Variants in DOCK4 observed in about 807,000 individuals in gnomAD.
DOCK4 encodes dedicator of cytokinesis 4.
A neutral mutation model predicts 268.1 loss-of-function variants in DOCK4; 97 were observed. That is an observed-to-expected ratio of 0.36 (90% CI 0.31 to 0.43). DOCK4 has a LOEUF of 0.43. Ranked by LOEUF, DOCK4 falls within the 20% of genes least tolerant of loss-of-function variation. The pLI, the probability that DOCK4 is intolerant of heterozygous loss-of-function variation, is 1.00. For missense variants in DOCK4, 2,145 were observed against 2,455.7 expected (o/e 0.87, Z 2.67); for synonymous variants, 954 against 887.2 (o/e 1.08, Z -1.34).
chr7:112,002,990 G>A (rs1176444874), intron 2 of DOCK4, among the ~76,000 whole-genome samples: 1 of 150,034 alleles, frequency 6.7e-6, no homozygotes, highest in Non-Finnish European at 1.5e-5. Context: ...GGCAGAGGTT[G>A]CAGTGAGCCA....
chr7:112,111,551 T>C (rs1336266586), intron 1 of DOCK4, among the ~76,000 whole-genome samples: 1 of 152,200 alleles, frequency 6.6e-6, no homozygotes, highest in Admixed American at 6.5e-5. Context: ...TTTATTTTAA[T>C]TCTAGACAGT....
rs370612668 is a variant in DOCK4 at position 111,958,844 on chromosome 7, C to T, written c.702-13046G>A. On this transcript the variant is annotated intron_variant, in intron 8 of 52. Coordinates refer to ENST00000428084, the MANE Select transcript of DOCK4 (RefSeq NM_001363540.2). The stretch of plus-strand genomic sequence containing the variant: ...CTGGGTGCTCTCAGTATGAATAAAG[C>T]ATTTCTTTGCTTGTTGTGTATTAAT... Among the ~76,000 whole-genome samples, 137 of 152,242 alleles carry T rather than the reference C, an allele frequency of 9.0e-4. 2 individuals are homozygous for T. Among genetic ancestry groups the T allele is most frequent in the Middle Eastern group, 6.8e-3 (2 of 294 alleles).
intron 16 of DOCK4, among the ~76,000 whole-genome samples, chr7:111,879,511 T>C (rs1352216184): frequency 6.6e-6 from 1 of 152,164 alleles, no homozygotes; most frequent in Non-Finnish European, 1.5e-5. Flanking sequence ...GAGCACCAAG[T>C]AGGCTCTTGG....
Position 111,935,518 on chromosome 7 carries a change from G to C in DOCK4, c.1066+22C>G, listed in dbSNP as rs145511777. ...GCTTGGAACGAAAAGTGTAGGGAAA[G>C]TCAGCCAGCCCATACACTCACCTGC... On this transcript the variant is annotated intron_variant, in intron 12 of 52. Transcript: ENST00000428084. The C allele has an allele frequency of 1.5e-3, 2,402 of 1,610,144 alleles. 7 individuals carry two copies. The highest frequency in any genetic ancestry group is 1.9e-3 in the Non-Finnish European group (2,252 of 1,176,560).
intron 16 of DOCK4, among the ~76,000 whole-genome samples, chr7:111,882,688 C>T (rs76142610): frequency 0.19 from 28,866 of 151,704 alleles, 3,421 homozygotes; most frequent in African/African-American, 0.34. Context: ...TCTCGGCTCA[C>T]CACAACCTCT....
intron 20 of DOCK4, among the ~76,000 whole-genome samples, chr7:111,871,776 T>C (rs1806446525): frequency 6.6e-6 from 1 of 152,176 alleles, no homozygotes; most frequent in South Asian, 2.1e-4. Flanking sequence ...GGCTCAGGAA[T>C]AGAATTCAGG....
intron 39 of DOCK4, among the ~76,000 whole-genome samples, chr7:111,762,757 G>GTTTTTTTTTTTTTTTTTTTTTT (rs1797499588): frequency 1.8e-5 from 1 of 55,012 alleles, no homozygotes; most frequent in East Asian, 4.1e-4. Context: ...ATTTTGTTTT[G>GTTTTTTTTTTTTTTTTTTTTTT]TTTTCTTTTT....
intron 1 of DOCK4, among the ~76,000 whole-genome samples, chr7:112,079,477 G>C (rs1254104174): frequency 6.6e-6 from 1 of 152,136 alleles, no homozygotes; most frequent in Non-Finnish European, 1.5e-5. Flanking sequence ...TACTCTACTT[G>C]TAAATTATAT....
chr7:112,009,305 G>T (rs188628692), intron 1 of DOCK4, among the ~76,000 whole-genome samples: 87 of 152,290 alleles, frequency 5.7e-4, no homozygotes, highest in African/African-American at 2.0e-3. Context: ...TCATGAACAG[G>T]TTGTGGTTTA....
chr7:111,732,557 T>C (rs1795175466), intron 51 of DOCK4: 1 of 475,032 alleles, frequency 2.1e-6, no homozygotes, highest in South Asian at 2.6e-5. Flanking sequence ...CCCAAACTGA[T>C]CCAATGTCCT....
intron 44 of DOCK4, among the ~76,000 whole-genome samples, chr7:111,742,405 ATC>A (rs1795977562): frequency 6.6e-6 from 1 of 152,026 alleles, no homozygotes. Flanking sequence ...TGTATTTTAG[ATC>A]TATAATTATA....
chr7:112,101,707 T>C (rs940337348), intron 1 of DOCK4, among the ~76,000 whole-genome samples: 11 of 152,240 alleles, frequency 7.2e-5, no homozygotes, highest in African/African-American at 2.7e-4. Context: ...TGCTCTTAAA[T>C]AGATCTGTAG....
At chr7:112,050,872 T>C (rs1048716389) in intron 1 of DOCK4, among the ~76,000 whole-genome samples, 1 of 152,134 alleles carries the variant, frequency 6.6e-6, no homozygotes, top group Non-Finnish European at 1.5e-5. Context: ...AGCTAGAACA[T>C]CTATGTATTG....
chr7:112,113,569 A>G (rs1277346708), intron 1 of DOCK4, among the ~76,000 whole-genome samples: 1 of 151,906 alleles, frequency 6.6e-6, no homozygotes, highest in Non-Finnish European at 1.5e-5. Flanking sequence ...TAAAAATTAA[A>G]AAATATGTAT....
At chr7:112,058,879 A>G (rs923434015) in intron 1 of DOCK4, among the ~76,000 whole-genome samples, 1 of 144,106 alleles carries the variant, frequency 6.9e-6, no homozygotes, top group African/African-American at 3.0e-5. Context: ...TGGGAAGTGA[A>G]GGCAGAAAGA....
At chr7:112,143,204 A>C (rs1165448398) in intron 1 of DOCK4, among the ~76,000 whole-genome samples, 1 of 152,056 alleles carries the variant, frequency 6.6e-6, no homozygotes, top group Non-Finnish European at 1.5e-5. Flanking sequence ...GCAATTCACC[A>C]TAGGATCACA....
At chr7:111,979,331 T>C (rs1562957224) in intron 7 of DOCK4, among the ~76,000 whole-genome samples, 1 of 152,208 alleles carries the variant, frequency 6.6e-6, no homozygotes, top group African/African-American at 2.4e-5. Flanking sequence ...AGTAAGTAAG[T>C]TGTTTTTAAA....
chr7:111,754,672 C>T (rs756272250), intron 42 of DOCK4, among the ~76,000 whole-genome samples: 1 of 152,196 alleles, frequency 6.6e-6, no homozygotes, highest in African/African-American at 2.4e-5. Flanking sequence ...GAGGTGCTGT[C>T]GCTGGAAGAA....
chr7:112,059,268 G>C (rs536233596), intron 1 of DOCK4, among the ~76,000 whole-genome samples: 1 of 146,784 alleles, frequency 6.8e-6, no homozygotes, highest in Non-Finnish European at 1.5e-5. Context: ...TCAGCTTCCC[G>C]AGTAGCTGGG....
Sources: allele counts gnomAD v4.1 joint callset (sites outside exome capture counted in the v4.1 genomes callset), GRCh38; gene constraint gnomAD v4.1.1; transcripts MANE v1.5; gene names NCBI Gene and HGNC (gene_info 2026-07-23, HGNC 2026-07-21).